Variants in BMP6 observed in about 807,000 individuals in gnomAD.
BMP6 encodes VG-1-R.
BMP6 carries 17 observed loss-of-function variants against 54.1 expected under a neutral mutation model. The observed-to-expected ratio is 0.31, with a 90% CI of 0.22 to 0.47. BMP6 has a LOEUF of 0.47. Ranked by LOEUF, BMP6 falls within the 20% of genes least tolerant of loss-of-function variation. The pLI is 1.00. For synonymous variants in BMP6, 328 were observed against 291.2 expected (o/e 1.13, Z -1.28); for missense variants, 720 against 690.4 (o/e 1.04, Z -0.48).
At chr6:7,866,872 TTTTG>T (rs1052565509) in intron 4 of BMP6, among the ~76,000 whole-genome samples, 20 of 152,156 alleles carry the variant, frequency 1.3e-4, no homozygotes, top group African/African-American at 4.1e-4. Context: ...AGCATTTCTT[TTTTG>T]TTTGTTTGTT....
intron 1 of BMP6, among the ~76,000 whole-genome samples, chr6:7,819,355 G>A (rs1207008930): frequency 6.6e-6 from 1 of 152,166 alleles, no homozygotes; most frequent in African/African-American, 2.4e-5. Flanking sequence ...ATGAGTTTGT[G>A]TAACTTGTAG....
chr6:7,838,581 C>T (rs1463773434), intron 1 of BMP6, among the ~76,000 whole-genome samples: 1 of 152,180 alleles, frequency 6.6e-6, no homozygotes, highest in Non-Finnish European at 1.5e-5. Flanking sequence ...CAACATCAGA[C>T]TGAAAGTCAG....
intron 1 of BMP6, among the ~76,000 whole-genome samples, chr6:7,799,994 G>T (rs1298935933): frequency 6.6e-6 from 1 of 151,830 alleles, no homozygotes; most frequent in East Asian, 1.9e-4. Flanking sequence ...TCTACTGCAC[G>T]GTTCTTTTGG....
At chr6:7,813,084 T>TCCAAA (rs1758457810) in intron 1 of BMP6, among the ~76,000 whole-genome samples, 1 of 2,644 alleles carries the variant, frequency 3.8e-4, no homozygotes, top group African/African-American at 1.5e-3. Context: ...GCCCTGTCTC[T>TCCAAA]ACAAAAAAAA....
At chr6:7,740,846 C>T (rs778831873) in intron 1 of BMP6, among the ~76,000 whole-genome samples, 12 of 152,190 alleles carry the variant, frequency 7.9e-5, no homozygotes, top group Non-Finnish European at 1.5e-4. Context: ...AAGTTCCCTG[C>T]AGAAGGTCTT....
chr6:7,737,389 G>A (rs544675594), intron 1 of BMP6, among the ~76,000 whole-genome samples: 58 of 152,282 alleles, frequency 3.8e-4, no homozygotes, highest in African/African-American at 1.3e-3. Context: ...ATAGGTGCCT[G>A]GAGCCAAAGA....
intron 1 of BMP6, among the ~76,000 whole-genome samples, chr6:7,820,782 TAGA>T (rs1347595429): frequency 2.0e-5 from 3 of 152,204 alleles, no homozygotes; most frequent in African/African-American, 7.2e-5. Flanking sequence ...ACCAGTTTTG[TAGA>T]AGATCATTTT....
chr6:7,727,552 A>G lies in BMP6; in HGVS notation c.597A>G (p.Pro199=). ...APGSGSGGAS[P]LTSAQDSAFL... Reference sequence around the variant, plus strand: ...GATCTGGCAGCGGCGGCGCGTCCCCACTGACCAGCGCGCAGGACAGCGCCT... The same window carrying G: ...GATCTGGCAGCGGCGGCGCGTCCCCGCTGACCAGCGCGCAGGACAGCGCCT... The change falls in exon 1 of 7, where the codon CCA becomes CCG. Residue 199 remains proline (P), a synonymous_variant. Transcript: ENST00000283147. The G allele has an allele frequency of 1.3e-6, 2 of 1,594,530 alleles. No individual in the cohort carries two copies. The highest frequency in any genetic ancestry group is 1.7e-6 in the Non-Finnish European group (2 of 1,177,708).
At chr6:7,728,139 GTA>G (rs1359109000) in intron 1 of BMP6, among the ~76,000 whole-genome samples, 1 of 152,014 alleles carries the variant, frequency 6.6e-6, no homozygotes, top group Non-Finnish European at 1.5e-5. Context: ...CTTGGCATGA[GTA>G]TGTTTAGAGG....
At position 7,733,627 on chromosome 6, in the gene BMP6, C is replaced by T. The variant is rs568117400; in HGVS notation, c.664+6008C>T. ...TAGCTGGCATCTTCTCTTGTGTTCC[C>T]CGCAAGGAACCAGTGCATTATGTTG... On this transcript the variant is annotated intron_variant, in intron 1 of 6. Coordinates refer to ENST00000283147, the MANE Select transcript of BMP6 (RefSeq NM_001718.6). 1.4e-4 allele frequency among the ~76,000 whole-genome samples: 21 copies of T among 152,338 alleles called. No individual in the cohort carries two copies. In the South Asian group the frequency reaches 3.7e-3, roughly 27 times the overall value.
At chr6:7,806,775 CTTG>C (rs1758353177) in intron 1 of BMP6, among the ~76,000 whole-genome samples, 1 of 151,942 alleles carries the variant, frequency 6.6e-6, no homozygotes, top group Non-Finnish European at 1.5e-5. Flanking sequence ...AATAGCTTAT[CTTG>C]TTGAACTGTG....
intron 1 of BMP6, among the ~76,000 whole-genome samples, chr6:7,838,299 A>G (rs1260127303): frequency 6.6e-6 from 1 of 152,166 alleles, no homozygotes; most frequent in African/African-American, 2.4e-5. Flanking sequence ...AACATAGTGC[A>G]TATAGGGTTG....
At chr6:7,849,803 A>G (rs2113260551) in intron 2 of BMP6, among the ~76,000 whole-genome samples, 1 of 152,270 alleles carries the variant, frequency 6.6e-6, no homozygotes, top group South Asian at 2.1e-4. Context: ...TAGTTTTGAA[A>G]TTCCGTGTTC....
In BMP6 at chr6:7,776,727, T is replaced by G. The variant is rs533171653; in HGVS notation, c.664+49108T>G. Among the ~76,000 whole-genome samples the G allele has an allele frequency of 2.6e-5, 4 of 152,346 alleles. No individual in the cohort carries two copies. In the South Asian group the frequency reaches 6.2e-4, roughly 24 times the overall value. On this transcript the variant is annotated intron_variant, in intron 1 of 6. Transcript: ENST00000283147. The stretch of plus-strand genomic sequence containing the variant: ...GTGCAGTGGTGCAATCATGATTCAC[T>G]GCAACCTTGAACTCCTGGCCTCAAA...
chr6:7,727,522 C>G lies in BMP6; in HGVS notation c.567C>G (p.Ala189=). The G allele has an allele frequency of 6.3e-7, 1 of 1,596,094 alleles. No individual in the cohort carries two copies. The highest frequency in any genetic ancestry group is 8.5e-7 in the Non-Finnish European group (1 of 1,177,780). ...AHPLNRKSLL[A]PGSGSGGASP... The stretch of plus-strand genomic sequence containing the variant: ...CGCTCAACCGCAAGAGCCTTCTGGC[C>G]CCCGGATCTGGCAGCGGCGGCGCGT... The change falls in exon 1 of 7, where the codon GCC becomes GCG. Residue 189 remains alanine (A), a synonymous_variant. Coordinates refer to ENST00000283147, the MANE Select transcript of BMP6 (RefSeq NM_001718.6).
At chr6:7,832,854 C>T (rs930862597) in intron 1 of BMP6, among the ~76,000 whole-genome samples, 9 of 150,414 alleles carry the variant, frequency 6.0e-5, no homozygotes, top group Middle Eastern at 3.4e-3. Flanking sequence ...ATGAGGAAGG[C>T]GAAGTCACGA....
chr6:7,843,562 C>G (rs773127246), intron 1 of BMP6, among the ~76,000 whole-genome samples: 16 of 151,572 alleles, frequency 1.1e-4, no homozygotes, highest in Non-Finnish European at 2.4e-4. Flanking sequence ...TTTTTTCTAC[C>G]CACAAACCTT....
intron 2 of BMP6, among the ~76,000 whole-genome samples, chr6:7,854,392 A>C (rs999612137): frequency 6.6e-6 from 1 of 152,366 alleles, no homozygotes; most frequent in African/African-American, 2.4e-5. Flanking sequence ...TTTAAAAAAA[A>C]AAAATCAATA....
At chr6:7,877,627 GAAAA>G (rs370085398) in intron 4 of BMP6, among the ~76,000 whole-genome samples, 1 of 137,904 alleles carries the variant, frequency 7.3e-6, no homozygotes, top group South Asian at 2.3e-4. Context: ...TGTCTCAAAA[GAAAA>G]AAAAAAAAAT....
Sources: gnomAD v4.1 joint callset for allele counts (sites outside exome capture counted in the v4.1 genomes callset) on GRCh38, gnomAD v4.1.1 for gene constraint, MANE v1.5 for transcripts, NCBI Gene and HGNC (gene_info 2026-07-23, HGNC 2026-07-21) for gene names.